Variants in ABCA4 observed in about 807,000 individuals in gnomAD.
ABCA4 encodes retinal-specific phospholipid-transporting ATPase ABCA4.
In ABCA4, 196 loss-of-function variants were observed where a neutral mutation model predicts 263.7. The observed-to-expected ratio is 0.74, with a 90% CI of 0.66 to 0.84. The LOEUF (loss-of-function observed/expected upper bound fraction) is 0.84, where lower values mean the gene tolerates loss of function less well. Among genes scored for constraint, ABCA4 ranks in the 40% least tolerant of loss-of-function variants. ABCA4 has a pLI of 0.00. For synonymous variants in ABCA4, 1,133 were observed against 1,094.2 expected (o/e 1.04, Z -0.70); for missense variants, 2,792 against 2,855.1 (o/e 0.98, Z 0.50).
At chr1:94,114,710 A>C (rs1662708887) in intron 1 of ABCA4, among the ~76,000 whole-genome samples, 2 of 152,044 alleles carry the variant, frequency 1.3e-5, no homozygotes, top group African/African-American at 2.4e-5. Context: ...GATGGTCTCG[A>C]TCTCCTGACC....
intron 40 of ABCA4, among the ~76,000 whole-genome samples, chr1:94,009,502 T>A (rs1483601784): frequency 6.6e-6 from 1 of 152,166 alleles, no homozygotes. Context: ...CCTCTTGCAC[T>A]AACTCCTCTG....
intron 1 of ABCA4, among the ~76,000 whole-genome samples, chr1:94,113,803 G>A (rs911182946): frequency 6.6e-6 from 1 of 152,262 alleles, no homozygotes; most frequent in Non-Finnish European, 1.5e-5. Context: ...AGAGGCTGCT[G>A]ATGTTAACAT....
chr1:94,110,904 GGGGGCCGAT>G (rs1662583466), intron 3 of ABCA4, among the ~76,000 whole-genome samples: 1 of 152,136 alleles, frequency 6.6e-6, no homozygotes, highest in Non-Finnish European at 1.5e-5. Flanking sequence ...CACCACTCCA[GGGGGCCGAT>G]GGCAATTATA....
intron 31 of ABCA4, 112 bp downstream of exon 31, chr1:94,024,842 A>C: frequency 1.0e-6 from 1 of 974,338 alleles, no homozygotes; most frequent in Non-Finnish European, 1.6e-6. Context: ...AAAAAAGAAA[A>C]AAATCTACTG....
chr1:94,080,440 T>A (rs766083191), intron 8 of ABCA4, 38 bp downstream of exon 8: 1 of 1,613,216 alleles, frequency 6.2e-7, no homozygotes. Flanking sequence ...TTAACCAACA[T>A]GAGAGGCCAA....
chr1:94,114,851 C>T (rs1662714029), intron 1 of ABCA4, among the ~76,000 whole-genome samples: 1 of 152,174 alleles, frequency 6.6e-6, no homozygotes, highest in Admixed American at 6.5e-5. Context: ...TAAGTGAAGC[C>T]CTCAAGGGCA....
rs139650730 is a variant in ABCA4 at position 94,079,434 on chromosome 1, C to T, written c.1127G>A (p.Ser376Asn). 6 of 1,614,096 alleles carry T rather than the reference C, an allele frequency of 3.7e-6. No homozygotes were observed. The Admixed American group carries it at 5.0e-5, about 13-fold the overall frequency. The change falls in exon 9 of 50, where the codon AGC (serine) becomes AAC (asparagine). Residue 376 changes from serine to asparagine, a missense_variant. Transcript: ENST00000370225. ...TTSFCNALIQSLESNPLTKIA... is the reference protein window; with the variant it reads ...TTSFCNALIQNLESNPLTKIA... ...TTTGGTTAAAGGATTTGACTCCAGGCTCTGGATCAATGCATTACAAAAGGA... is the reference window on the plus strand; with the variant it reads ...TTTGGTTAAAGGATTTGACTCCAGGTTCTGGATCAATGCATTACAAAAGGA...
intron 11 of ABCA4, among the ~76,000 whole-genome samples, chr1:94,071,780 A>G (rs1185610101): frequency 6.6e-6 from 1 of 152,122 alleles, no homozygotes; most frequent in Non-Finnish European, 1.5e-5. Context: ...CAGGCCAGTT[A>G]TATGTTTCTT....
At chr1:94,085,370 G>A (rs931735472) in intron 6 of ABCA4, among the ~76,000 whole-genome samples, 2 of 152,106 alleles carry the variant, frequency 1.3e-5, no homozygotes, top group Non-Finnish European at 1.5e-5. Flanking sequence ...ACAATAAAAC[G>A]TTTTAATAAT....
chr1:94,041,524 A>G, intron 22 of ABCA4, 122 bp from the exon 23 acceptor site: 1 of 788,670 alleles, frequency 1.3e-6, no homozygotes, highest in Non-Finnish European at 2.0e-6. Flanking sequence ...AAAAAAAAAA[A>G]CCCAAGGGAA....
intron 30 of ABCA4, among the ~76,000 whole-genome samples, chr1:94,025,771 G>A (rs1210521536): frequency 6.6e-6 from 1 of 152,112 alleles, no homozygotes; most frequent in Non-Finnish European, 1.5e-5. Context: ...ATTTCCATCT[G>A]AGAGTTTCCT....
chr1:94,067,306 A>G (rs896941234), intron 11 of ABCA4, among the ~76,000 whole-genome samples: 3 of 152,110 alleles, frequency 2.0e-5, no homozygotes, highest in African/African-American at 7.2e-5. Flanking sequence ...CTCCCTTTTC[A>G]TGTCTTAAGG....
At chr1:94,049,166 C>T (rs893467897) in intron 17 of ABCA4, among the ~76,000 whole-genome samples, 2 of 152,184 alleles carry the variant, frequency 1.3e-5, no homozygotes, top group Non-Finnish European at 2.9e-5. Flanking sequence ...GTTTCACCTC[C>T]TCCTCTCAAT....
At chr1:94,105,012 C>G (rs997269968) in intron 4 of ABCA4, among the ~76,000 whole-genome samples, 7 of 152,166 alleles carry the variant, frequency 4.6e-5, no homozygotes, top group Non-Finnish European at 8.8e-5. Flanking sequence ...CACACATGCA[C>G]ACGCACGCAT....
At chr1:94,045,874 T>C (rs1660658210) in intron 19 of ABCA4, 1 of 456,174 alleles carries the variant, frequency 2.2e-6, no homozygotes, top group Non-Finnish European at 4.4e-6. Flanking sequence ...GAGGTCCGTG[T>C]CTGCTGCTCC....
intron 11 of ABCA4, among the ~76,000 whole-genome samples, chr1:94,070,027 G>T (rs1163222477): frequency 6.6e-6 from 1 of 152,246 alleles, no homozygotes; most frequent in Non-Finnish European, 1.5e-5. Flanking sequence ...CAAAGGAAGA[G>T]AATCACCTGG....
In ABCA4 at chr1:94,004,445, A is replaced by C. The variant is rs368992778; in HGVS notation, c.6147+996T>G. 3.3e-5 allele frequency among the ~76,000 whole-genome samples: 5 copies of C among 152,340 alleles called. No individual in the cohort carries two copies. In the South Asian group the frequency reaches 6.2e-4, roughly 19 times the overall value. On this transcript the variant is annotated intron_variant, in intron 44 of 49. Transcript: ENST00000370225. The stretch of plus-strand genomic sequence containing the variant: ...TCACTTTGCCTATACCACTATAAAA[A>C]ACAAACTAAAAAGAACTCAGAAATT...
Position 94,077,689 on chromosome 1 carries a change from C to T in ABCA4, c.1554+1G>A, listed in dbSNP as rs61752393. 2 of 1,609,188 alleles carry T rather than the reference C, an allele frequency of 1.2e-6. No homozygotes were observed. Among genetic ancestry groups the T allele is most frequent in the Non-Finnish European group, 1.7e-6 (2 of 1,176,762 alleles). On this transcript the variant is annotated splice_donor_variant, in intron 11 of 49. Coordinates refer to ENST00000370225, the MANE Select transcript of ABCA4 (RefSeq NM_000350.3). LOFTEE classifies it high-confidence loss of function. ...CCACTGTGGGGCTTGCAGCCCCTTACCTCCAGGTATTGATTGACCAGGCGG... is the reference window on the plus strand; with the variant it reads ...CCACTGTGGGGCTTGCAGCCCCTTATCTCCAGGTATTGATTGACCAGGCGG...
At chr1:94,082,957 C>T (rs768923357) in intron 7 of ABCA4, among the ~76,000 whole-genome samples, 1 of 152,100 alleles carries the variant, frequency 6.6e-6, no homozygotes, top group Non-Finnish European at 1.5e-5. Flanking sequence ...AAGAAGAGTG[C>T]CTGTAAGCTA....
Sources: gnomAD v4.1 joint callset for allele counts (sites outside exome capture counted in the v4.1 genomes callset) on GRCh38, gnomAD v4.1.1 for gene constraint, MANE v1.5 for transcripts, NCBI Gene and HGNC (gene_info 2026-07-23, HGNC 2026-07-21) for gene names.